The following CACNA1H variants were observed in gnomAD, a reference collection of about 807,000 sequenced individuals.
CACNA1H encodes the protein calcium voltage-gated channel subunit alpha1 H.
A neutral mutation model predicts 192.5 loss-of-function variants in CACNA1H; 149 were observed. That is an observed-to-expected ratio of 0.77 (90% CI 0.68 to 0.89). The LOEUF is 0.89. Ranked by LOEUF, CACNA1H falls within the 40% of genes least tolerant of loss-of-function variation. The pLI is 0.00. For synonymous variants in CACNA1H, 2,202 were observed against 1,475.2 expected (o/e 1.49, Z -11.29); for missense variants, 4,257 against 3,423.5 (o/e 1.24, Z -6.08).
In CACNA1H at chr16:1,218,455, C is replaced by T. The variant is rs1596476048; in HGVS notation, c.5691C>T (p.Asp1897=). 1 of 1,551,786 alleles carries T rather than the reference C, an allele frequency of 6.4e-7. No homozygotes were observed. The highest frequency in any genetic ancestry group is 1.4e-5 in the African/African-American group (1 of 73,226). The stretch of plus-strand genomic sequence containing the variant: ...GGAGTGCACGCCGGGTGGACGCGGA[C>T]AGGCCTCCCTTGCCCCAGGAGAGTC... ...GPGSARRVDA[D]RPPLPQESPG... The change falls in exon 33 of 35, where the codon GAC becomes GAT. Residue 1897 remains aspartate, a synonymous_variant. Transcript: ENST00000348261.
At chr16:1,212,901 G>A (rs974269146) in intron 26 of CACNA1H, among the ~76,000 whole-genome samples, 57 of 152,334 alleles carry the variant, frequency 3.7e-4, no homozygotes, top group African/African-American at 1.3e-3. Flanking sequence ...ACTGCATGCC[G>A]GCCGCAGAGC....
rs750277154 is a variant in CACNA1H, at chr16:1,219,105, G to T, written c.6023G>T (p.Ser2008Ile). 2.1e-4 allele frequency: 324 copies of T among 1,545,220 alleles called. No homozygotes were observed. Among genetic ancestry groups the T allele is most frequent in the Non-Finnish European group, 2.7e-4 (308 of 1,144,128 alleles). The change falls in exon 34 of 35, where the codon AGT (serine) becomes ATT (isoleucine). Residue 2008 changes from serine (S) to isoleucine (I), a missense_variant. Physicochemically the swap from Ser to Ile is moderately radical, Grantham distance 142. Transcript: ENST00000348261. ...LSPRGTARSP[S>I]LSRLLCRQEA... ...CCTCGGGGCACAGCCCGCTCCCCCA[G>T]TCTCAGCCGGCTGCTCTGCAGACAG...
chr16:1,220,960 C>T lies in CACNA1H; in HGVS notation c.7028C>T (p.Pro2343Leu). The change falls in exon 35 of 35, where the codon CCT becomes CTT. Residue 2343 changes from proline to leucine, a missense_variant. Coordinates refer to ENST00000348261, the MANE Select transcript of CACNA1H (RefSeq NM_021098.3). ...AAACCAGGGTCCCCCTCAGCCACCC[C>T]TGCCCCAGGGGGTGGTGCAGATGAC... ...LEKPGSPSAT[P>L]APGGGADDPV 1 of 1,604,992 alleles carries T rather than the reference C, an allele frequency of 6.2e-7. No individual in the cohort carries two copies. The highest frequency in any genetic ancestry group is 8.5e-7 in the Non-Finnish European group (1 of 1,175,584).
chr16:1,206,679 C>T (rs1968752611), intron 12 of CACNA1H: 1 of 436,480 alleles, frequency 2.3e-6, no homozygotes, highest in Non-Finnish European at 4.1e-6. Context: ...GCAGGCCGGG[C>T]TTTCACAGTC....
In CACNA1H at chr16:1,218,163, C is replaced by A; in HGVS notation, c.5446-47C>A. The A allele has an allele frequency of 3.3e-6, 5 of 1,535,272 alleles. No individual in the cohort carries two copies. In the South Asian group the frequency reaches 6.1e-5, roughly 19 times the overall value. On this transcript the variant is annotated intron_variant, in intron 32 of 34. Transcript: ENST00000348261. ...AGGGGACGGCACTGCCAGGGTGGCA[C>A]CCGCGGGTGGGTGTGGACCCCGGCC...
At chr16:1,197,551 A>T (rs1967132191) in intron 5 of CACNA1H, among the ~76,000 whole-genome samples, 1 of 152,210 alleles carries the variant, frequency 6.6e-6, no homozygotes. Context: ...CATAATGAGG[A>T]CACGCTCAGG....
intron 2 of CACNA1H, among the ~76,000 whole-genome samples, chr16:1,181,779 T>C (rs1965493380): frequency 6.6e-6 from 1 of 152,140 alleles, no homozygotes; most frequent in Admixed American, 6.5e-5. Context: ...ATCTCAGGCC[T>C]GAAGAGGGCT....
intron 30 of CACNA1H, among the ~76,000 whole-genome samples, chr16:1,216,009 G>GCCCCCGC (rs1567551340): frequency 6.6e-6 from 1 of 152,062 alleles, no homozygotes; most frequent in African/African-American, 2.4e-5. Flanking sequence ...TGTGCCCCTG[G>GCCCCCGC]CCCCTGCCCA....
chr16:1,220,780 A>G lies in CACNA1H; in HGVS notation c.6848A>G (p.Asp2283Gly), dbSNP rs58597457. The change falls in exon 35 of 35, where the codon GAC (aspartate) becomes GGC (glycine). Residue 2283 changes from aspartate (D) to glycine (G), a missense_variant. Transcript: ENST00000348261. ...LGVPSGDPFL[D>G]GSHSVTPESR... The stretch of plus-strand genomic sequence containing the variant: ...GTCCCCAGTGGAGACCCTTTCTTGG[A>G]CGGTAGCCACAGTGTGACCCCAGAA... The G allele has an allele frequency of 6.5e-5, 105 of 1,612,370 alleles. 1 individual carries two copies. In the South Asian group the frequency reaches 1.0e-3, roughly 16 times the overall value.
rs371550084 is a variant in CACNA1H at position 1,220,213 on chromosome 16, C to T, written c.6281C>T (p.Ser2094Leu). 3.3e-5 allele frequency: 52 copies of T among 1,570,624 alleles called. No individual in the cohort carries two copies. Among genetic ancestry groups the T allele is most frequent in the East Asian group, 2.4e-4 (10 of 42,514 alleles). ...AAPGGEEAEA[S>L]DPADEEVSHI... ...CCAGGCGGAGAGGAGGCCGAGGCCT[C>T]GGACCCAGCCGACGAGGAGGTCAGC... The change falls in exon 35 of 35, where the codon TCG becomes TTG. Residue 2094 changes from serine to leucine, a missense_variant. Physicochemically the swap from Ser to Leu is moderately radical, Grantham distance 145 (BLOSUM62 -2). Coordinates refer to ENST00000348261, the MANE Select transcript of CACNA1H (RefSeq NM_021098.3).
In CACNA1H at chr16:1,218,210, G is replaced by C; in HGVS notation, c.5446G>C (p.Asp1816His). The change falls in exon 33 of 35, where the codon GAC (aspartate) becomes CAC (histidine). Residue 1816 changes from aspartate (D) to histidine (H), a missense_variant and splice_region_variant. Asp to His is a moderately conservative substitution (Grantham distance 81, BLOSUM62 -1). Coordinates refer to ENST00000348261, the MANE Select transcript of CACNA1H (RefSeq NM_021098.3). ...GGCCCACAGCTGTCCCCCACCGCAG[G>C]ACACGCTGCGCGAGTGCTCCCGTGA... is the stretch of plus-strand genomic sequence containing the variant. Reference protein sequence around the residue: ...TGDNWNGIMKDTLRECSREDK... With the variant: ...TGDNWNGIMKHTLRECSREDK... The C allele has an allele frequency of 6.5e-7, 1 of 1,548,468 alleles. No individual in the cohort carries two copies. Among genetic ancestry groups the C allele is most frequent in the Non-Finnish European group, 8.7e-7 (1 of 1,145,920 alleles).
intron 2 of CACNA1H, among the ~76,000 whole-genome samples, chr16:1,189,677 C>T (rs1966418979): frequency 6.6e-6 from 1 of 152,090 alleles, no homozygotes; most frequent in South Asian, 2.1e-4. Context: ...CCTGCCTCAG[C>T]CTCCCAAAGT....
rs370724421 is a variant in CACNA1H, at chr16:1,220,419, G to A, written c.6487G>A (p.Gly2163Arg). The A allele has an allele frequency of 1.4e-5, 21 of 1,530,204 alleles. No individual in the cohort carries two copies. Among genetic ancestry groups the A allele is most frequent in the South Asian group, 3.9e-5 (3 of 77,270 alleles). 94.8% of individuals were successfully genotyped at this position (1,530,204 alleles called of 1,614,324 possible). A position where few individuals can be genotyped will look rare whatever the true frequency, so the allele number is the denominator to read the frequency against. Reference protein sequence around the residue: ...QWRPSAELGSGEPGEAKAWGP... With the variant: ...QWRPSAELGSREPGEAKAWGP... ...GCGGCCCTCGGCGGAGCTGGGCAGC[G>A]GGGAGCCTGGGGAGGCGAAGGCCTG... The change falls in exon 35 of 35, where the codon GGG becomes AGG. Residue 2163 changes from glycine to arginine, a missense_variant. Physicochemically the swap from Gly to Arg is moderately radical, Grantham distance 125 (BLOSUM62 -2). Coordinates refer to ENST00000348261, the MANE Select transcript of CACNA1H (RefSeq NM_021098.3).
rs12930662 is a variant in CACNA1H at position 1,217,656 on chromosome 16, C to G, written c.5324-263C>G. Among the ~76,000 whole-genome samples the G allele has an allele frequency of 0.84, 128,320 of 152,268 alleles. 54,209 individuals are homozygous for G. Among genetic ancestry groups the G allele is most frequent in the East Asian group, 1 (5,164 of 5,170 alleles). On this transcript the variant is annotated intron_variant, in intron 31 of 34. Coordinates refer to ENST00000348261, the MANE Select transcript of CACNA1H (RefSeq NM_021098.3). ...CCCGCCACGCGCAGTCACAGACACA[C>G]ACAATAATGATTCTTCCATGGCAGC...
At chr16:1,159,194 G>A (rs1343612358) in intron 2 of CACNA1H, among the ~76,000 whole-genome samples, 3 of 152,214 alleles carry the variant, frequency 2.0e-5, no homozygotes, top group African/African-American at 4.8e-5. Context: ...CCGGGTGTCC[G>A]TATCCCGGGG....
At chr16:1,176,037 C>A (rs1259952537) in intron 2 of CACNA1H, among the ~76,000 whole-genome samples, 2 of 152,222 alleles carry the variant, frequency 1.3e-5, no homozygotes, top group Non-Finnish European at 2.9e-5. Context: ...GAGGCGCCTC[C>A]CACTCCCATC....
At chr16:1,211,447 C>A in intron 22 of CACNA1H, 34 bp from the exon 23 acceptor site, 1 of 1,611,950 alleles carries the variant, frequency 6.2e-7, no homozygotes, top group South Asian at 1.1e-5. Flanking sequence ...GGGCACAGGC[C>A]AGGCCCTCCG....
chr16:1,164,317 C>T (rs995177414), intron 2 of CACNA1H, among the ~76,000 whole-genome samples: 3 of 152,206 alleles, frequency 2.0e-5, no homozygotes, highest in South Asian at 2.1e-4. Flanking sequence ...CTGATGAACC[C>T]TGTCCTGTAC....
intron 2 of CACNA1H, among the ~76,000 whole-genome samples, chr16:1,163,920 G>A (rs1596302778): frequency 6.6e-6 from 1 of 152,194 alleles, no homozygotes; most frequent in East Asian, 1.9e-4. Context: ...GGACCCTCCC[G>A]CTTGTGACTC....
Sources: gnomAD v4.1 joint callset for allele counts (sites outside exome capture counted in the v4.1 genomes callset) on GRCh38, gnomAD v4.1.1 for gene constraint, MANE v1.5 for transcripts, NCBI Gene and HGNC (gene_info 2026-07-23, HGNC 2026-07-21) for gene names.